The following TMEM245 variants were observed in gnomAD, a reference collection of about 807,000 sequenced individuals.
TMEM245 encodes the protein transmembrane protein 245.
In TMEM245, 69 loss-of-function variants were observed where a neutral mutation model predicts 101.2. The observed-to-expected ratio is 0.68, with a 90% CI of 0.56 to 0.83. The LOEUF (loss-of-function observed/expected upper bound fraction) is 0.83, where lower values mean the gene tolerates loss of function less well. TMEM245 is among the 40% of genes least tolerant of loss of function. TMEM245 has a pLI of 0.00. For missense variants in TMEM245, 1,075 were observed against 1,092.8 expected, an observed-to-expected ratio of 0.98 and a Z score of 0.23; for synonymous variants, 537 against 449.8, an observed-to-expected ratio of 1.19 and a Z score of -2.45.
rs1390646796 is a variant in TMEM245 at position 109,015,607 on chromosome 9, A to C, written c.*4853T>G. 1 of 152,670 alleles carries C rather than the reference A, an allele frequency of 6.6e-6. No individual in the cohort carries two copies. Among genetic ancestry groups the C allele is most frequent in the African/African-American group, 2.4e-5 (1 of 41,462 alleles). The allele number at this position is 152,670 out of a possible 1,614,324, so 9.5% of individuals were successfully genotyped here. Reference sequence around the variant, plus strand: ...ATAAAAAGCTAGCAAAAAGCTAGTAAGAAACCAGATGTCTAGTAAAGAACT... The same window carrying C: ...ATAAAAAGCTAGCAAAAAGCTAGTACGAAACCAGATGTCTAGTAAAGAACT... On this transcript the variant is annotated 3_prime_UTR_variant, in exon 18 of 18. Coordinates refer to ENST00000374586, the MANE Select transcript of TMEM245 (RefSeq NM_032012.4).
chr9:109,020,602 A>G, intron 17 of TMEM245, 97 bp from the exon 18 acceptor site: 2 of 1,081,510 alleles, frequency 1.8e-6, no homozygotes, highest in Non-Finnish European at 2.7e-6. Flanking sequence ...TATAGTCACT[A>G]TTTTTTCTTA....
intron 17 of TMEM245, among the ~76,000 whole-genome samples, chr9:109,028,941 C>T (rs1241646602): frequency 1.3e-5 from 2 of 152,156 alleles, no homozygotes; most frequent in Non-Finnish European, 2.9e-5. Flanking sequence ...CCAAGTTTTG[C>T]CTGAACTCCC....
intron 9 of TMEM245, among the ~76,000 whole-genome samples, chr9:109,066,588 G>A (rs896876064): frequency 4.0e-5 from 6 of 151,742 alleles, no homozygotes; most frequent in African/African-American, 1.2e-4. Flanking sequence ...AATGTGATTC[G>A]GGAGAAATTA....
At chr9:109,044,420 T>A (rs1194174114) in intron 14 of TMEM245, among the ~76,000 whole-genome samples, 1 of 152,124 alleles carries the variant, frequency 6.6e-6, no homozygotes, top group Non-Finnish European at 1.5e-5. Flanking sequence ...AGATAAATAA[T>A]GAAGAAAAGG....
At chr9:109,088,761 A>G (rs1428414273) in intron 5 of TMEM245, among the ~76,000 whole-genome samples, 3 of 148,310 alleles carry the variant, frequency 2.0e-5, no homozygotes, top group African/African-American at 7.5e-5. Context: ...GCTTGCAATG[A>G]GCCGAGATCC....
chr9:109,064,629 C>T (rs1829110120), intron 9 of TMEM245, 62 bp from the exon 10 acceptor site: 2 of 1,399,044 alleles, frequency 1.4e-6, no homozygotes, highest in Non-Finnish European at 2.0e-6. Flanking sequence ...ACCAATAATG[C>T]TTTGAACTTG....
chr9:109,070,515 T>C (rs913475814), intron 9 of TMEM245, among the ~76,000 whole-genome samples: 3 of 152,218 alleles, frequency 2.0e-5, no homozygotes, highest in African/African-American at 7.2e-5. Flanking sequence ...CCACTGAAAC[T>C]GTCTACAGTT....
chr9:109,100,163 C>T (rs1830246901), intron 3 of TMEM245, among the ~76,000 whole-genome samples: 1 of 152,126 alleles, frequency 6.6e-6, no homozygotes, highest in African/African-American at 2.4e-5. Flanking sequence ...GTTAAGTCAA[C>T]AGGACCAATA....
rs535836329 is a variant in TMEM245, at chr9:109,091,193, T to C, written c.917-38A>G. ...AGAAAAACACCACACACCGCATTAG[T>C]CCACATGAGGAAATGGGAATACAGA... On this transcript the variant is annotated intron_variant, in intron 4 of 17. Transcript: ENST00000374586. The C allele has an allele frequency of 1.9e-6, 3 of 1,557,216 alleles. No homozygotes were observed. In the South Asian group the frequency reaches 3.4e-5, roughly 18 times the overall value.
rs141819826 is a variant in TMEM245, at chr9:109,057,889, C to A, written c.1723-567G>T. Among the ~76,000 whole-genome samples the A allele has an allele frequency of 2.0e-3, 298 of 149,388 alleles. 3 individuals carry two copies. Among genetic ancestry groups the A allele is most frequent in the African/African-American group, 6.7e-3 (273 of 40,766 alleles). On this transcript the variant is annotated intron_variant, in intron 11 of 17. Coordinates refer to ENST00000374586, the MANE Select transcript of TMEM245 (RefSeq NM_032012.4). The stretch of plus-strand genomic sequence containing the variant: ...ATACATTTGCAAAGACATCTTATTT[C>A]TCAGTATCTACAACACACTAAACAG...
At chr9:109,053,311 C>T (rs141122586) in intron 12 of TMEM245, among the ~76,000 whole-genome samples, 85 of 152,156 alleles carry the variant, frequency 5.6e-4, no homozygotes, top group African/African-American at 2.0e-3. Context: ...CCTGTAATTC[C>T]AACTACTCAG....
At chr9:109,086,084 C>T (rs1281228062) in intron 6 of TMEM245, 64 bp from the exon 7 acceptor site, 3 of 1,528,076 alleles carry the variant, frequency 2.0e-6, no homozygotes, top group Non-Finnish European at 1.8e-6. Flanking sequence ...TTAGAGAATG[C>T]AACCATAGTA....
intron 1 of TMEM245, among the ~76,000 whole-genome samples, chr9:109,112,310 G>A (rs141265242): frequency 5.0e-4 from 76 of 152,122 alleles, no homozygotes; most frequent in African/African-American, 1.7e-3. Context: ...GGAGGCTGAG[G>A]CGGGCAGATC....
chr9:109,083,928 A>AAAAAAAAAC, intron 7 of TMEM245, among the ~76,000 whole-genome samples: 1 of 141,244 alleles, frequency 7.1e-6, no homozygotes, highest in African/African-American at 2.6e-5. Flanking sequence ...AAAAAAAAAA[A>AAAAAAAAAC]ACACCAGGCA....
intron 5 of TMEM245, among the ~76,000 whole-genome samples, chr9:109,088,484 C>T (rs1829905247): frequency 6.6e-6 from 1 of 151,834 alleles, no homozygotes; most frequent in South Asian, 2.1e-4. Context: ...AGAGTTGCAA[C>T]AGCATTTGAC....
intron 17 of TMEM245, among the ~76,000 whole-genome samples, chr9:109,026,158 A>T (rs1383747205): frequency 6.6e-6 from 1 of 152,230 alleles, no homozygotes; most frequent in Non-Finnish European, 1.5e-5. Context: ...GAGCATTCTG[A>T]GTACAAAATA....
At chr9:109,055,490 CAG>C (rs1464536967) in intron 12 of TMEM245, among the ~76,000 whole-genome samples, 1 of 152,052 alleles carries the variant, frequency 6.6e-6, no homozygotes, top group Non-Finnish European at 1.5e-5. Flanking sequence ...TAAAGAAACT[CAG>C]AGCAAAGAGA....
chr9:109,062,570 A>G (rs889433344), intron 10 of TMEM245, among the ~76,000 whole-genome samples: 1 of 152,238 alleles, frequency 6.6e-6, no homozygotes, highest in Admixed American at 6.5e-5. Flanking sequence ...CTGGCCTTAC[A>G]GATATGTGAA....
intron 14 of TMEM245, among the ~76,000 whole-genome samples, chr9:109,047,604 T>C (rs1364239298): frequency 6.6e-6 from 1 of 152,170 alleles, no homozygotes; most frequent in African/African-American, 2.4e-5. Flanking sequence ...AGGTGGCATA[T>C]TTGGTATGAA....
Sources: gnomAD v4.1 joint callset for allele counts (sites outside exome capture counted in the v4.1 genomes callset) on GRCh38, gnomAD v4.1.1 for gene constraint, MANE v1.5 for transcripts, NCBI Gene and HGNC (gene_info 2026-07-23, HGNC 2026-07-21) for gene names.